Variants in TMEM161B observed in about 807,000 individuals in gnomAD.
TMEM161B encodes the protein transmembrane protein 161B.
In TMEM161B, 34 loss-of-function variants were observed where a neutral mutation model predicts 61.8. The observed-to-expected ratio is 0.55, with a 90% CI of 0.42 to 0.73. TMEM161B has a LOEUF of 0.73. TMEM161B is among the 30% of genes least tolerant of loss of function. The probability of loss-of-function intolerance (pLI) is 0.00; values close to 1 mark genes in which losing one functional copy is unlikely to be tolerated. For missense variants in TMEM161B, 456 were observed against 558.5 expected (o/e 0.82, Z 1.85); for synonymous variants, 167 against 192.8 (o/e 0.87, Z 1.11).
chr5:88,249,812 T>C (rs1754093548), intron 1 of TMEM161B, among the ~76,000 whole-genome samples: 1 of 152,114 alleles, frequency 6.6e-6, no homozygotes, highest in African/African-American at 2.4e-5. Context: ...CTGTTTCACA[T>C]GAACCCCAAA....
chr5:88,196,800 C>A (rs1011261520), intron 11 of TMEM161B, among the ~76,000 whole-genome samples: 1 of 152,102 alleles, frequency 6.6e-6, no homozygotes, highest in Non-Finnish European at 1.5e-5. Flanking sequence ...TCAGCTAACT[C>A]TACTGGAGTG....
intron 5 of TMEM161B, among the ~76,000 whole-genome samples, chr5:88,208,280 G>A (rs1310381203): frequency 6.6e-6 from 1 of 151,408 alleles, no homozygotes. Flanking sequence ...TCAGGAGATC[G>A]AGACCATGCT....
At chr5:88,230,714 T>C (rs1421915409) in intron 2 of TMEM161B, among the ~76,000 whole-genome samples, 2 of 152,186 alleles carry the variant, frequency 1.3e-5, no homozygotes, top group African/African-American at 4.8e-5. Context: ...TATCTCCTAT[T>C]GTTTACAAGC....
At chr5:88,259,020 T>C (rs1323855886) in intron 1 of TMEM161B, among the ~76,000 whole-genome samples, 1 of 152,174 alleles carries the variant, frequency 6.6e-6, no homozygotes, top group Non-Finnish European at 1.5e-5. Flanking sequence ...ATTTATAAAA[T>C]GGAGCAGAAC....
At chr5:88,267,254 T>G (rs1191100604) in intron 1 of TMEM161B, among the ~76,000 whole-genome samples, 1 of 152,186 alleles carries the variant, frequency 6.6e-6, no homozygotes, top group African/African-American at 2.4e-5. Flanking sequence ...GGCTTTGGTT[T>G]CTCCCAGTTC....
At chr5:88,210,992 C>T (rs1234659093) in intron 5 of TMEM161B, among the ~76,000 whole-genome samples, 3 of 152,168 alleles carry the variant, frequency 2.0e-5, no homozygotes, top group African/African-American at 7.2e-5. Context: ...CTTCTGCCTA[C>T]TTTGTTCCCC....
At chr5:88,264,247 A>C (rs977061017) in intron 1 of TMEM161B, among the ~76,000 whole-genome samples, 2 of 152,208 alleles carry the variant, frequency 1.3e-5, no homozygotes, top group South Asian at 2.1e-4. Context: ...ACAAGAAAAA[A>C]ACAACACCAT....
In TMEM161B at chr5:88,196,186, G is replaced by T. The variant is rs752104221; in HGVS notation, c.*25C>A. 1 of 1,581,806 alleles carries T rather than the reference G, an allele frequency of 6.3e-7. No homozygotes were observed. On this transcript the variant is annotated 3_prime_UTR_variant, in exon 12 of 12. Transcript: ENST00000296595. ...ATATTTTAATTTAAAGGGTGATTTG[G>T]ATATGCTTTTTTGTTAACTGAGATT...
downstream of TMEM161B, among the ~76,000 whole-genome samples, chr5:88,191,685 C>T (rs975165076): frequency 1.2e-4 from 18 of 151,850 alleles, no homozygotes; most frequent in African/African-American, 3.9e-4. Flanking sequence ...CGGCCAGGCG[C>T]GGTGGCCCAC....
intron 2 of TMEM161B, among the ~76,000 whole-genome samples, chr5:88,230,750 T>C (rs952138199): frequency 2.6e-5 from 4 of 152,184 alleles, no homozygotes; most frequent in Middle Eastern, 3.2e-3. Context: ...TAATAAAAAA[T>C]ATATCTGCTC....
At chr5:88,241,806 T>A (rs1752785619) in intron 1 of TMEM161B, among the ~76,000 whole-genome samples, 1 of 151,662 alleles carries the variant, frequency 6.6e-6, no homozygotes, top group Non-Finnish European at 1.5e-5. Flanking sequence ...AACGTCTAAC[T>A]CTCCACTCGG....
At chr5:88,219,529 T>C (rs1008561313) in intron 5 of TMEM161B, among the ~76,000 whole-genome samples, 1 of 152,050 alleles carries the variant, frequency 6.6e-6, no homozygotes, top group African/African-American at 2.4e-5. Flanking sequence ...TTTTCAGATT[T>C]AAAGGGTAAA....
chr5:88,214,958 T>C (rs1322123318), intron 5 of TMEM161B, among the ~76,000 whole-genome samples: 1 of 152,206 alleles, frequency 6.6e-6, no homozygotes, highest in African/African-American at 2.4e-5. Flanking sequence ...TCACAAATTT[T>C]AAAAAGTCAT....
downstream of TMEM161B, chr5:88,190,139 T>A: frequency 1.4e-6 from 1 of 700,956 alleles, no homozygotes; most frequent in Middle Eastern, 3.7e-4. Context: ...ACACAAGAAC[T>A]AGTAAATACT....
At chr5:88,234,365 T>C (rs573629750) in intron 2 of TMEM161B, among the ~76,000 whole-genome samples, 61 of 152,230 alleles carry the variant, frequency 4.0e-4, no homozygotes, top group Admixed American at 1.5e-3. Context: ...GTTGAAAAAG[T>C]TGTCTGAGAA....
chr5:88,268,614 T>G, intron 1 of TMEM161B, 107 bp downstream of exon 1: 1 of 1,529,514 alleles, frequency 6.5e-7, no homozygotes, highest in South Asian at 1.1e-5. Flanking sequence ...CATCCCAACG[T>G]CTCAACTCCA....
At chr5:88,243,634 A>T (rs1175532980) in intron 1 of TMEM161B, among the ~76,000 whole-genome samples, 1 of 151,796 alleles carries the variant, frequency 6.6e-6, no homozygotes, top group East Asian at 1.9e-4. Flanking sequence ...ACTGGGTCAA[A>T]TGGTAATCTG....
downstream of TMEM161B, among the ~76,000 whole-genome samples, chr5:88,192,835 G>C (rs2112303749): frequency 6.6e-6 from 1 of 152,230 alleles, no homozygotes; most frequent in Middle Eastern, 3.4e-3. Context: ...GAGACCTTAG[G>C]CTTCAAAATA....
chr5:88,224,647 T>A (rs1749651582), intron 4 of TMEM161B, among the ~76,000 whole-genome samples: 1 of 152,178 alleles, frequency 6.6e-6, no homozygotes, highest in Non-Finnish European at 1.5e-5. Flanking sequence ...TGAATTACTC[T>A]AAATATGGGT....
Sources: allele counts gnomAD v4.1 joint callset (sites outside exome capture counted in the v4.1 genomes callset), GRCh38; gene constraint gnomAD v4.1.1; transcripts MANE v1.5; gene names NCBI Gene and HGNC (gene_info 2026-07-23, HGNC 2026-07-21).